The following PI15 variants were observed in gnomAD, a reference collection of about 807,000 sequenced individuals.
The protein encoded by PI15 is peptidase inhibitor 15, also known as 25 kDa trypsin inhibitor.
In PI15, 18 loss-of-function variants were observed where a neutral mutation model predicts 31.0. That is an observed-to-expected ratio of 0.58 (90% CI 0.40 to 0.86). The LOEUF (loss-of-function observed/expected upper bound fraction) is 0.86. Among genes scored for constraint, PI15 ranks in the 40% least tolerant of loss-of-function variants. The pLI, the probability that PI15 is intolerant of heterozygous loss-of-function variation, is 0.00. For synonymous variants in PI15, 118 were observed against 119.1 expected (o/e 0.99, Z 0.06); for missense variants, 282 against 328.1 (o/e 0.86, Z 1.09).
rs541755935 is a variant in PI15 at position 74,840,200 on chromosome 8, A to G, written c.274-3781A>G. Among the ~76,000 whole-genome samples, 30 of 152,322 alleles carry G rather than the reference A, an allele frequency of 2.0e-4. 2 individuals are homozygous for G. Among genetic ancestry groups the G allele is most frequent in the Admixed American group, 1.4e-3 (21 of 15,294 alleles). On this transcript the variant is annotated intron_variant, in intron 2 of 5. Transcript: ENST00000260113. ...TCAAATCAGTGTAATTGGGATAGCT[A>G]TCACTTTAAATTTGTATCTTTTCTT...
In PI15 at chr8:74,849,491, A is replaced by G. The variant is rs1811074829; in HGVS notation, c.*238A>G. The G allele has an allele frequency of 2.6e-6, 1 of 383,150 alleles. No homozygotes were observed. The highest frequency in any genetic ancestry group is 2.1e-5 in the African/African-American group (1 of 47,716). The allele number at this position is 383,150 out of a possible 1,614,324, so 23.7% of individuals were successfully genotyped here. A position where few individuals can be genotyped will look rare whatever the true frequency, so the allele number is the denominator to read the frequency against. On this transcript the variant is annotated 3_prime_UTR_variant, in exon 6 of 6. Transcript: ENST00000260113. ...CCTAAATTAAGATATTGTATATGTA[A>G]TGATGACATAGTTGATGCATCCAAT...
At chr8:74,849,060 C>T (rs34728422) in intron 5 of PI15, 58 bp from the exon 6 acceptor site, 112,504 of 1,511,620 alleles carry the variant, frequency 0.074, 4,958 homozygotes, top group African/African-American at 0.17. Flanking sequence ...TAAGGACAAT[C>T]TACTTTTAAA....
chr8:74,844,831 T>C (rs747570339), intron 3 of PI15: 33 of 294,148 alleles, frequency 1.1e-4, no homozygotes, highest in Non-Finnish European at 2.0e-4. Flanking sequence ...GTTTTCGACA[T>C]GGATTAAATA....
rs1022559439 is a variant in PI15, at chr8:74,853,291, T to A, written c.*4038T>A. On this transcript the variant is annotated 3_prime_UTR_variant, in exon 6 of 6. Transcript: ENST00000260113. The stretch of plus-strand genomic sequence containing the variant: ...ATGGTGCTAAATGAATTGTTAGTGT[T>A]GATGGCTTTAGTAATGCTCCTTTTA... 6.5e-6 allele frequency: 1 copy of A among 152,678 alleles called. No individual in the cohort carries two copies. The highest frequency in any genetic ancestry group is 6.5e-5 in the Admixed American group (1 of 15,284). The allele number at this position is 152,678 out of a possible 1,614,324, so 9.5% of individuals were successfully genotyped here.
chr8:74,849,189 G>C lies in PI15; in HGVS notation c.713G>C (p.Gly238Ala), dbSNP rs146938685. Reference protein sequence around the residue: ...PCSSCPPSYGGSCTDNLCFPG... With the variant: ...PCSSCPPSYGASCTDNLCFPG... Reference sequence around the variant, plus strand: ...TCATCTTGTCCTCCAAGTTATGGGGGATCTTGTACTGACAATCTGTGTTTT... The same window carrying C: ...TCATCTTGTCCTCCAAGTTATGGGGCATCTTGTACTGACAATCTGTGTTTT... The change falls in exon 6 of 6, where the codon GGA becomes GCA. Residue 238 changes from glycine to alanine, a missense_variant. Gly to Ala is a moderately conservative substitution (Grantham distance 60, BLOSUM62 0). Transcript: ENST00000260113. 6.2e-7 allele frequency: 1 copy of C among 1,611,886 alleles called. No individual in the cohort carries two copies. The highest frequency in any genetic ancestry group is 1.7e-5 in the Admixed American group (1 of 59,996).
At chr8:74,825,826 G>A (rs911282808) in intron 2 of PI15, among the ~76,000 whole-genome samples, 2 of 151,854 alleles carry the variant, frequency 1.3e-5, no homozygotes, top group African/African-American at 4.8e-5. Context: ...ATAAAAAGTG[G>A]GGTATGTTGA....
intron 3 of PI15, among the ~76,000 whole-genome samples, 160 bp downstream of exon 3, chr8:74,844,259 T>C (rs1459269490): frequency 2.0e-5 from 3 of 152,216 alleles, no homozygotes; most frequent in African/African-American, 7.2e-5. Flanking sequence ...TTTAGATGTC[T>C]TCCAGAATTA....
Position 74,845,234 on chromosome 8 carries a change from G to C in PI15, c.499G>C (p.Gly167Arg). The stretch of plus-strand genomic sequence containing the variant: ...CCCCAGATGTCCTATGAGATGTTTT[G>C]GTCCCATGTGCACACATTATACGCA... ...CNPRCPMRCF[G>R]PMCTHYTQMV... The change falls in exon 4 of 6, where the codon GGT becomes CGT. Residue 167 changes from glycine (G) to arginine (R), a missense_variant. By Grantham distance (125) the Gly-to-Arg change is moderately radical. Coordinates refer to ENST00000260113, the MANE Select transcript of PI15 (RefSeq NM_015886.5). 6.2e-7 allele frequency: 1 copy of C among 1,613,468 alleles called. No individual in the cohort carries two copies. The highest frequency in any genetic ancestry group is 8.5e-7 in the Non-Finnish European group (1 of 1,179,454).
intron 2 of PI15, among the ~76,000 whole-genome samples, chr8:74,829,518 A>G (rs1810749115): frequency 6.6e-6 from 1 of 152,130 alleles, no homozygotes; most frequent in Non-Finnish European, 1.5e-5. Context: ...CCACACATAG[A>G]GTAAAATTTG....
chr8:74,829,071 G>A (rs1346154276), intron 2 of PI15, among the ~76,000 whole-genome samples: 2 of 151,972 alleles, frequency 1.3e-5, no homozygotes, highest in Admixed American at 6.6e-5. Flanking sequence ...TGGGTGCTGT[G>A]TCTATTTATT....
chr8:74,845,367 G>A lies in PI15; in HGVS notation c.526-15G>A. On this transcript the variant is annotated splice_polypyrimidine_tract_variant and intron_variant, in intron 4 of 5. Coordinates refer to ENST00000260113, the MANE Select transcript of PI15 (RefSeq NM_015886.5). ...GCTCTGACTTCTGTAACAGTTTATTGGTTTATTTTCACAGATGGTTTGGGC... is the reference window on the plus strand; with the variant it reads ...GCTCTGACTTCTGTAACAGTTTATTAGTTTATTTTCACAGATGGTTTGGGC... 4 of 1,600,944 alleles carry A rather than the reference G, an allele frequency of 2.5e-6. No homozygotes were observed. Among genetic ancestry groups the A allele is most frequent in the Middle Eastern group, 1.7e-4 (1 of 6,030 alleles).
At chr8:74,829,571 G>A (rs757207944) in intron 2 of PI15, among the ~76,000 whole-genome samples, 2 of 152,040 alleles carry the variant, frequency 1.3e-5, no homozygotes, top group Non-Finnish European at 2.9e-5. Flanking sequence ...AAATTAATTT[G>A]AAAAACTTTG....
intron 5 of PI15, among the ~76,000 whole-genome samples, chr8:74,846,172 TG>T (rs1811022720): frequency 6.6e-6 from 1 of 152,252 alleles, no homozygotes; most frequent in Non-Finnish European, 1.5e-5. Context: ...ATGACACTCT[TG>T]GTGTCTTCCA....
At chr8:74,825,572 A>C in intron 2 of PI15, 50 bp downstream of exon 2, 1 of 1,445,390 alleles carries the variant, frequency 6.9e-7, no homozygotes. Flanking sequence ...AGAAAGCTTT[A>C]TATTGTACAT....
At position 74,851,675 on chromosome 8, in the gene PI15, G is replaced by C. The variant is rs1340583169; in HGVS notation, c.*2422G>C. 5 of 151,964 alleles carry C rather than the reference G, an allele frequency of 3.3e-5. No individual in the cohort carries two copies. Among genetic ancestry groups the C allele is most frequent in the Non-Finnish European group, 7.4e-5 (5 of 67,934 alleles). 9.4% of individuals were successfully genotyped at this position (151,964 alleles called of 1,614,324 possible). On this transcript the variant is annotated 3_prime_UTR_variant, in exon 6 of 6. Transcript: ENST00000260113. ...TGTTTAATAAATGCTTATATGAATG[G>C]ATTTTTAGAATTAACTAAGAAGCCA... is the stretch of plus-strand genomic sequence containing the variant.
chr8:74,848,732 T>TATATATATAGAG (rs1191072583), intron 5 of PI15, among the ~76,000 whole-genome samples: 8 of 136,356 alleles, frequency 5.9e-5, no homozygotes, highest in Middle Eastern at 7.5e-3. Context: ...TATATATATA[T>TATATATATAGAG]AGAGAGAGAG....
intron 2 of PI15, among the ~76,000 whole-genome samples, chr8:74,829,032 T>C (rs1315312482): frequency 7.9e-6 from 1 of 126,488 alleles, no homozygotes; most frequent in African/African-American, 3.3e-5. Flanking sequence ...ACTTTGTGCA[T>C]TTCTTGCAAA....
At chr8:74,844,529 C>T (rs1176080964) in intron 3 of PI15, among the ~76,000 whole-genome samples, 1 of 150,670 alleles carries the variant, frequency 6.6e-6, no homozygotes, top group African/African-American at 2.4e-5. Context: ...TAAACATATA[C>T]AATAAAAATG....
Position 74,825,127 on chromosome 8 carries a change from C to T in PI15, c.-40-83C>T, listed in dbSNP as rs957694384. ...TTGAAGAAAGTCAAATCAAGCAATG[C>T]TCCCAAATGATGTCTTTGTAAATTC... On this transcript the variant is annotated intron_variant, in intron 1 of 5. Coordinates refer to ENST00000260113, the MANE Select transcript of PI15 (RefSeq NM_015886.5). 1.1e-5 allele frequency: 9 copies of T among 790,598 alleles called. No individual in the cohort carries two copies. In the African/African-American group the frequency reaches 1.6e-4, roughly 14 times the overall value. The allele number at this position is 790,598 out of a possible 1,614,324, so 49.0% of individuals were successfully genotyped here.
Sources: allele counts gnomAD v4.1 joint callset (sites outside exome capture counted in the v4.1 genomes callset), GRCh38; gene constraint gnomAD v4.1.1; transcripts MANE v1.5; gene names NCBI Gene and HGNC (gene_info 2026-07-23, HGNC 2026-07-21).